The following LSM4 variants were observed in gnomAD, a reference collection of about 807,000 sequenced individuals.
LSM4 encodes the protein U6 snRNA-associated Sm-like protein LSm4.
LSM4 carries 15 observed loss-of-function variants against 22.3 expected under a neutral mutation model. The observed-to-expected ratio is 0.67, with a 90% CI of 0.45 to 1.03. The LOEUF (loss-of-function observed/expected upper bound fraction) is 1.03, where lower values mean the gene tolerates loss of function less well. Among genes scored for constraint, LSM4 ranks in the 50% least tolerant of loss-of-function variants. LSM4 has a pLI of 0.00. For synonymous variants in LSM4, 90 were observed against 79.8 expected, an observed-to-expected ratio of 1.13 and a Z score of -0.68; for missense variants, 127 against 198.0, an observed-to-expected ratio of 0.64 and a Z score of 2.15.
intron 2 of LSM4, among the ~76,000 whole-genome samples, chr19:18,313,036 T>C (rs1486264765): frequency 1.3e-5 from 2 of 152,128 alleles, no homozygotes; most frequent in Non-Finnish European, 2.9e-5. Context: ...CTGACCAACA[T>C]GGTGAAACCC....
At chr19:18,322,036 T>C (rs752635068) in intron 1 of LSM4, among the ~76,000 whole-genome samples, 30 of 152,168 alleles carry the variant, frequency 2.0e-4, no homozygotes, top group Non-Finnish European at 4.1e-4. Context: ...TCCACTGCAA[T>C]TCCCCTGTCT....
chr19:18,315,542 A>G (rs1970344535), intron 2 of LSM4, among the ~76,000 whole-genome samples: 1 of 151,814 alleles, frequency 6.6e-6, no homozygotes, highest in Non-Finnish European at 1.5e-5. Context: ...CTTCCACCTC[A>G]TTAATTTTCT....
chr19:18,316,162 G>T, intron 1 of LSM4, 97 bp from the exon 2 acceptor site: 1 of 1,092,402 alleles, frequency 9.2e-7, no homozygotes. Context: ...GGTGCGGTGC[G>T]GTTGAGGGGG....
rs896354678 is a variant in LSM4 at position 18,323,033 on chromosome 19, G to T, written c.-13C>A. ...CTGCCCTCACCATGGTGCCGGCGGG[G>T]ACCGGGCTCGCCGGCCACTTCCGCC... On this transcript the variant is annotated 5_prime_UTR_variant, in exon 1 of 5. Transcript: ENST00000593829. 4.1e-5 allele frequency: 63 copies of T among 1,550,456 alleles called. No homozygotes were observed. The highest frequency in any genetic ancestry group is 5.1e-5 in the East Asian group (2 of 38,954).
Position 18,307,171 on chromosome 19 carries a change from T to A in LSM4, c.*293A>T. 1 of 337,600 alleles carries A rather than the reference T, an allele frequency of 3.0e-6. No individual in the cohort carries two copies. The highest frequency in any genetic ancestry group is 5.3e-6 in the Non-Finnish European group (1 of 187,132). 20.9% of individuals were successfully genotyped at this position (337,600 alleles called of 1,614,324 possible). A position where few individuals can be genotyped will look rare whatever the true frequency, so the allele number is the denominator to read the frequency against. ...CAAACCCGCCTGGAAAATGCTGCCC[T>A]GAGAACCAGAGCGAGGGCTTGAAAG... On this transcript the variant is annotated 3_prime_UTR_variant, in exon 5 of 5. Coordinates refer to ENST00000593829, the MANE Select transcript of LSM4 (RefSeq NM_012321.5).
At position 18,307,408 on chromosome 19, in the gene LSM4, G is replaced by C. The variant is rs1970239354; in HGVS notation, c.*56C>G. ...TCTGAGCAGATCCGTCCGAGACTGT[G>C]GAGCGGAATCGCCACCCTGGCAGGA... On this transcript the variant is annotated 3_prime_UTR_variant, in exon 5 of 5. Coordinates refer to ENST00000593829, the MANE Select transcript of LSM4 (RefSeq NM_012321.5). 2 of 1,397,490 alleles carry C rather than the reference G, an allele frequency of 1.4e-6. No individual in the cohort carries two copies. Among genetic ancestry groups the C allele is most frequent in the Non-Finnish European group, 1.9e-6 (2 of 1,053,866 alleles). The allele number at this position is 1,397,490 out of a possible 1,614,324, so 86.6% of individuals were successfully genotyped here.
At chr19:18,314,116 C>G (rs1019476070) in intron 2 of LSM4, among the ~76,000 whole-genome samples, 1 of 152,016 alleles carries the variant, frequency 6.6e-6, no homozygotes, top group African/African-American at 2.4e-5. Context: ...AGGCATCTGC[C>G]CAAGAGAAAT....
At chr19:18,311,253 C>A (rs1030190059) in intron 3 of LSM4, among the ~76,000 whole-genome samples, 1 of 152,128 alleles carries the variant, frequency 6.6e-6, no homozygotes, top group African/African-American at 2.4e-5. Context: ...CTGCCCACAG[C>A]GCTCCAGAGG....
chr19:18,312,653 C>T lies in LSM4; in HGVS notation c.95G>A (p.Cys32Tyr), dbSNP rs1158374625. ...GETYNGHLVS[C>Y]DNWMNINLRE... ...CAGGTTAATGTTCATCCAGTTGTCG[C>T]AGCTCACCAGGTGTCCATTGTACGT... The change falls in exon 3 of 5, where the codon TGC becomes TAC. Residue 32 changes from cysteine to tyrosine, a missense_variant. By Grantham distance (194) the Cys-to-Tyr change is radical. Coordinates refer to ENST00000593829, the MANE Select transcript of LSM4 (RefSeq NM_012321.5). 6.2e-7 allele frequency: 1 copy of T among 1,613,948 alleles called. No individual in the cohort carries two copies. The highest frequency in any genetic ancestry group is 8.5e-7 in the Non-Finnish European group (1 of 1,179,942).
intron 1 of LSM4, among the ~76,000 whole-genome samples, chr19:18,321,126 G>C (rs1332439174): frequency 1.3e-5 from 2 of 152,240 alleles, no homozygotes; most frequent in Admixed American, 1.3e-4. Context: ...GAAACAGCTG[G>C]ACAGCCAGGA....
intron 1 of LSM4, 32 bp downstream of exon 1, chr19:18,322,986 C>A: frequency 6.3e-7 from 1 of 1,592,158 alleles, no homozygotes; most frequent in East Asian, 2.3e-5. Context: ...TTCCCGCCTC[C>A]CGGTGAGACC....
intron 2 of LSM4, among the ~76,000 whole-genome samples, chr19:18,314,123 A>C (rs950451780): frequency 6.6e-6 from 1 of 152,078 alleles, no homozygotes; most frequent in African/African-American, 2.4e-5. Context: ...TGCCCAAGAG[A>C]AATGAACACA....
chr19:18,314,926 C>G (rs1293651911), intron 2 of LSM4, among the ~76,000 whole-genome samples: 1 of 151,996 alleles, frequency 6.6e-6, no homozygotes, highest in Non-Finnish European at 1.5e-5. Flanking sequence ...GCTCTGTCAC[C>G]CAGGCTGGAG....
At chr19:18,308,321 C>T (rs993210974) in intron 4 of LSM4, among the ~76,000 whole-genome samples, 17 of 152,186 alleles carry the variant, frequency 1.1e-4, no homozygotes, top group Admixed American at 3.3e-4. Flanking sequence ...CAGGCCTGGA[C>T]GCAGCAGGTT....
chr19:18,308,460 C>T (rs1212526315), intron 4 of LSM4, among the ~76,000 whole-genome samples: 3 of 152,254 alleles, frequency 2.0e-5, no homozygotes, highest in Non-Finnish European at 4.4e-5. Context: ...GAAATCAAAG[C>T]TGGAGCTTCA....
intron 2 of LSM4, among the ~76,000 whole-genome samples, chr19:18,315,682 T>C (rs1970346284): frequency 6.6e-6 from 1 of 152,006 alleles, no homozygotes; most frequent in African/African-American, 2.4e-5. Flanking sequence ...GCTGTGACTA[T>C]AGGCACACAC....
Position 18,306,479 on chromosome 19 carries a change from G to C in LSM4, c.*985C>G, listed in dbSNP as rs954153656. On this transcript the variant is annotated 3_prime_UTR_variant, in exon 5 of 5. Transcript: ENST00000593829. ...CAGAAAGGGGGCAGGAGCCTCGTGAGAATCTTCCATGAGCATCTTCCGAGG... is the reference window on the plus strand; with the variant it reads ...CAGAAAGGGGGCAGGAGCCTCGTGACAATCTTCCATGAGCATCTTCCGAGG... 6 of 152,248 alleles carry C rather than the reference G, an allele frequency of 3.9e-5. No individual in the cohort carries two copies. Among genetic ancestry groups the C allele is most frequent in the African/African-American group, 1.2e-4 (5 of 41,456 alleles). 9.4% of individuals were successfully genotyped at this position (152,248 alleles called of 1,614,324 possible).
At chr19:18,321,576 G>A (rs1374355590) in intron 1 of LSM4, among the ~76,000 whole-genome samples, 1 of 152,220 alleles carries the variant, frequency 6.6e-6, no homozygotes, top group African/African-American at 2.4e-5. Flanking sequence ...CTGGGGACCA[G>A]TCTGCCTTTG....
chr19:18,312,959 G>A (rs902102741), intron 2 of LSM4, among the ~76,000 whole-genome samples: 10 of 152,214 alleles, frequency 6.6e-5, no homozygotes, highest in African/African-American at 1.7e-4. Context: ...GGTGGCTCAC[G>A]CCTGTAATCC....
Sources: allele counts gnomAD v4.1 joint callset (sites outside exome capture counted in the v4.1 genomes callset), GRCh38; gene constraint gnomAD v4.1.1; transcripts MANE v1.5; gene names NCBI Gene and HGNC (gene_info 2026-07-23, HGNC 2026-07-21).